Variants in NUP42 observed in about 807,000 individuals in gnomAD.
NUP42 encodes nucleoporin 42.
Under a neutral mutation model 35.9 loss-of-function variants are expected in NUP42, and 47 were observed. That is an observed-to-expected ratio of 1.31 (90% CI 1.04 to 1.67). NUP42 has a LOEUF of 1.67. NUP42 is among the 40% of genes most tolerant of loss of function. The pLI is 0.00. For synonymous variants in NUP42, 173 were observed against 173.3 expected, an observed-to-expected ratio of 1.00 and a Z score of 0.01; for missense variants, 514 against 492.2, an observed-to-expected ratio of 1.04 and a Z score of -0.42.
At chr7:23,196,819 CA>C in intron 5 of NUP42, 53 bp downstream of exon 5, 1 of 1,255,542 alleles carries the variant, frequency 8.0e-7, no homozygotes, top group South Asian at 1.2e-5. Context: ...TGCTTTTTTG[CA>C]GAGGATATTT....
intron 3 of NUP42, among the ~76,000 whole-genome samples, chr7:23,190,333 T>G (rs1785747802): frequency 6.6e-6 from 1 of 152,262 alleles, no homozygotes; most frequent in Non-Finnish European, 1.5e-5. Context: ...AGTCTTCTAT[T>G]AAGCCAAACA....
chr7:23,186,917 G>T, intron 2 of NUP42, 135 bp from the exon 3 acceptor site: 1 of 593,606 alleles, frequency 1.7e-6, no homozygotes, highest in African/African-American at 1.9e-5. Context: ...GTGCTTTAAA[G>T]AACACTCTTC....
At chr7:23,189,283 T>C (rs1023817290) in intron 3 of NUP42, among the ~76,000 whole-genome samples, 1 of 152,228 alleles carries the variant, frequency 6.6e-6, no homozygotes, top group African/African-American at 2.4e-5. Flanking sequence ...GGCTTCTCAG[T>C]ACTTAAAATC....
chr7:23,182,435 G>T, intron 1 of NUP42: 1 of 1,345,404 alleles, frequency 7.4e-7, no homozygotes, highest in Non-Finnish European at 9.6e-7. Context: ...GGGCCTGGAT[G>T]CTTGTGCGAA....
At chr7:23,198,297 C>T (rs1786088141) in intron 5 of NUP42, 1 of 144,414 alleles carries the variant, frequency 6.9e-6, no homozygotes, top group Non-Finnish European at 1.5e-5. Context: ...ACTGCAAGCT[C>T]CGCCTCCCGG....
At chr7:23,200,131 T>C in intron 6 of NUP42, 37 bp from the exon 7 acceptor site, 1 of 1,353,636 alleles carries the variant, frequency 7.4e-7, no homozygotes. Flanking sequence ...CCGTAATAGA[T>C]TTTTGTTGTT....
rs545283518 is a variant in NUP42 at position 23,188,652 on chromosome 7, T to G, written c.445+1506T>G. The G allele has an allele frequency of 7.4e-6, 4 of 540,808 alleles. No homozygotes were observed. In the Admixed American group the frequency reaches 2.5e-4, roughly 34 times the overall value. 33.5% of individuals were successfully genotyped at this position (540,808 alleles called of 1,614,324 possible). A position where few individuals can be genotyped will look rare whatever the true frequency, so the allele number is the denominator to read the frequency against. ...TGTAATATTTGGGGCACATTTATAC[T>G]AAAAAAAGTATTTATTGTATATCTG... On this transcript the variant is annotated intron_variant, in intron 3 of 6. Coordinates refer to ENST00000258742, the MANE Select transcript of NUP42 (RefSeq NM_007342.3).
chr7:23,199,668 C>A, intron 6 of NUP42, 126 bp downstream of exon 6: 1 of 795,026 alleles, frequency 1.3e-6, no homozygotes, highest in Non-Finnish European at 2.1e-6. Flanking sequence ...CATCATAGAG[C>A]CTCAAAGCAT....
chr7:23,186,216 T>C (rs567714179), intron 2 of NUP42, among the ~76,000 whole-genome samples: 2 of 152,260 alleles, frequency 1.3e-5, no homozygotes, highest in Non-Finnish European at 2.9e-5. Context: ...TCTCAACTCA[T>C]GGTGACTAGG....
chr7:23,195,188 C>G (rs1482065520), intron 3 of NUP42: 2 of 152,212 alleles, frequency 1.3e-5, no homozygotes, highest in Admixed American at 1.3e-4. Flanking sequence ...TCCCAGAAAA[C>G]TTGTACCATT....
intron 6 of NUP42, 26 bp from the exon 7 acceptor site, chr7:23,200,142 T>G (rs1233737890): frequency 6.9e-7 from 1 of 1,439,100 alleles, no homozygotes; most frequent in South Asian, 1.4e-5. Flanking sequence ...TTTTGTTGTT[T>G]TTTTTGTTGT....
intron 3 of NUP42, chr7:23,194,821 T>TG (rs1158518636): frequency 1.3e-5 from 2 of 154,910 alleles, no homozygotes; most frequent in East Asian, 3.8e-4. Flanking sequence ...CCCGAGTAGC[T>TG]GGGATTACAG....
intron 3 of NUP42, among the ~76,000 whole-genome samples, chr7:23,193,958 C>T (rs537996879): frequency 3.5e-4 from 54 of 152,366 alleles, no homozygotes; most frequent in Middle Eastern, 6.8e-3. Flanking sequence ...GCACACCCTC[C>T]GCAGCCGCTG....
At chr7:23,190,357 A>G (rs1365806374) in intron 3 of NUP42, among the ~76,000 whole-genome samples, 2 of 152,258 alleles carry the variant, frequency 1.3e-5, no homozygotes, top group Non-Finnish European at 2.9e-5. Flanking sequence ...AGAGATGTAT[A>G]AACATAAAGC....
At chr7:23,187,917 T>C (rs1235409435) in intron 3 of NUP42, 1 of 525,168 alleles carries the variant, frequency 1.9e-6, no homozygotes, top group African/African-American at 2.0e-5. Context: ...GGAATAGCAT[T>C]TGCTTTAGAA....
chr7:23,197,712 T>C (rs1786061245), intron 5 of NUP42, among the ~76,000 whole-genome samples: 1 of 152,186 alleles, frequency 6.6e-6, no homozygotes, highest in African/African-American at 2.4e-5. Context: ...AACCCACCCA[T>C]AGCTGACTTA....
intron 3 of NUP42, among the ~76,000 whole-genome samples, chr7:23,189,602 G>A (rs772819528): frequency 5.3e-5 from 8 of 152,056 alleles, no homozygotes; most frequent in East Asian, 1.9e-4. Flanking sequence ...GTGACAGAGC[G>A]AGACCCTGTC....
At chr7:23,188,533 G>A in intron 3 of NUP42, 7 of 985,342 alleles carry the variant, frequency 7.1e-6, no homozygotes, top group South Asian at 4.7e-5. Flanking sequence ...TTCTTAAAAT[G>A]TGGATTCCTG....
chr7:23,196,453 C>T (rs1637217), intron 4 of NUP42: 21,883 of 471,446 alleles, frequency 0.046, 739 homozygotes, highest in South Asian at 0.096. Flanking sequence ...CTGCCAGGTA[C>T]TTGTGATACT....
Sources: gnomAD v4.1 joint callset for allele counts (sites outside exome capture counted in the v4.1 genomes callset) on GRCh38, gnomAD v4.1.1 for gene constraint, MANE v1.5 for transcripts, NCBI Gene and HGNC (gene_info 2026-07-23, HGNC 2026-07-21) for gene names.